AQR: variants seen among roughly 807,000 people sequenced by gnomAD.
AQR encodes aquarius intron-binding spliceosomal factor.
AQR carries 61 observed loss-of-function variants against 180.5 expected under a neutral mutation model. That is an observed-to-expected ratio of 0.34 (90% CI 0.28 to 0.42). The LOEUF (loss-of-function observed/expected upper bound fraction) is 0.42. Among genes scored for constraint, AQR ranks in the 10% least tolerant of loss-of-function variants. The probability of loss-of-function intolerance (pLI) is 1.00; values close to 1 mark genes in which losing one functional copy is unlikely to be tolerated. For synonymous variants in AQR, 551 were observed against 588.8 expected (o/e 0.94, Z 0.93); for missense variants, 1,281 against 1,798.3 (o/e 0.71, Z 5.20).
intron 15 of AQR, among the ~76,000 whole-genome samples, chr15:34,918,025 T>A (rs1016546785): frequency 6.6e-6 from 1 of 152,080 alleles, no homozygotes; most frequent in African/African-American, 2.4e-5. Context: ...TAGGGCTTTA[T>A]GGTCGTATTT....
rs747681081 is a variant in AQR at position 34,934,595 on chromosome 15, GA to G, written c.758del (p.Phe253SerfsTer5). The G allele has an allele frequency of 6.3e-7, 1 of 1,591,706 alleles. No individual in the cohort carries two copies. Among genetic ancestry groups the G allele is most frequent in the Non-Finnish European group, 8.5e-7 (1 of 1,172,566 alleles). ...CCTCTAGATCAATCATAAGTTCAAT[GA>G]ATCTTTCACAGTAATGAACTTTGTC... ...TMDKVHYCER[F>X]IELMIDLEAL... is the part of the protein sequence containing the mutation. On this transcript the variant is annotated frameshift_variant, in exon 10 of 35. Transcript: ENST00000156471. LOFTEE classifies it high-confidence loss of function.
Position 34,856,511 on chromosome 15 carries a change from C to A in AQR, c.*281G>T. The stretch of plus-strand genomic sequence containing the variant: ...AAATGTGAAGTATATATTATATATT[C>A]ATAGAAAATGATTTTAATGTAGGTA... On this transcript the variant is annotated 3_prime_UTR_variant, in exon 35 of 35. Transcript: ENST00000156471. The A allele has an allele frequency of 2.4e-6, 1 of 414,562 alleles. No homozygotes were observed. The highest frequency in any genetic ancestry group is 9.8e-5 in the South Asian group (1 of 10,204). The allele number at this position is 414,562 out of a possible 1,614,324, so 25.7% of individuals were successfully genotyped here.
Position 34,914,342 on chromosome 15 carries a change from G to T in AQR, c.1484+696C>A, listed in dbSNP as rs959683236. Among the ~76,000 whole-genome samples, 13 of 152,300 alleles carry T rather than the reference G, an allele frequency of 8.5e-5. No individual in the cohort carries two copies. The South Asian group carries it at 2.7e-3, about 32-fold the overall frequency. Reference sequence around the variant, plus strand: ...TTACAAATTCTTGTAATGCAGAGCTGCTACAATTACCAGAATGAAAGACTT... The same window carrying T: ...TTACAAATTCTTGTAATGCAGAGCTTCTACAATTACCAGAATGAAAGACTT... On this transcript the variant is annotated intron_variant, in intron 16 of 34. Transcript: ENST00000156471.
In AQR at chr15:34,900,641, G is replaced by C; in HGVS notation, c.2224C>G (p.Leu742Val). The C allele has an allele frequency of 6.2e-7, 1 of 1,614,052 alleles. No individual in the cohort carries two copies. Among genetic ancestry groups the C allele is most frequent in the Non-Finnish European group, 8.5e-7 (1 of 1,179,926 alleles). ...NVKVTVEDPA[L>V]QIPPFRITFP... ...CTTTACCTGAAAGGGGGTATTTGTA[G>C]AGCAGGGTCTTCTACAGTTACTTTA... is the stretch of plus-strand genomic sequence containing the variant. Residue 742 changes from leucine to valine, a missense_variant, in exon 20 of 35, where the codon CTA becomes GTA. Around this residue, in one of 9 missense-constraint regions of AQR, gnomAD observed 112 missense variants for 128.6 expected, o/e 0.87. Coordinates refer to ENST00000156471, the MANE Select transcript of AQR (RefSeq NM_014691.3).
At chr15:34,942,930 C>T in intron 6 of AQR, 1 of 880,256 alleles carries the variant, frequency 1.1e-6, no homozygotes, top group Non-Finnish European at 1.7e-6. Flanking sequence ...GGTAAGTTGG[C>T]TAAAACTATC....
chr15:34,958,624 AT>A (rs1338720415), intron 3 of AQR, among the ~76,000 whole-genome samples: 1 of 152,246 alleles, frequency 6.6e-6, no homozygotes, highest in Admixed American at 6.5e-5. Context: ...GTTATAAAAA[AT>A]CACCTCTGAA....
chr15:34,879,867 G>A (rs192479029), intron 27 of AQR, among the ~76,000 whole-genome samples: 2 of 152,086 alleles, frequency 1.3e-5, no homozygotes, highest in Non-Finnish European at 2.9e-5. Flanking sequence ...ACAGAAAGTG[G>A]GAATTATGTC....
At chr15:34,924,512 A>G (rs1595798817) in intron 13 of AQR, among the ~76,000 whole-genome samples, 1 of 151,784 alleles carries the variant, frequency 6.6e-6, no homozygotes, top group African/African-American at 2.4e-5. Context: ...GCTCACTGCA[A>G]CCTCCACCTC....
At chr15:34,960,205 T>C (rs1189821952) in intron 3 of AQR, among the ~76,000 whole-genome samples, 1 of 152,130 alleles carries the variant, frequency 6.6e-6, no homozygotes, top group Non-Finnish European at 1.5e-5. Context: ...AGAAGCATGA[T>C]GAAAAATAGC....
intron 3 of AQR, among the ~76,000 whole-genome samples, chr15:34,955,719 C>A (rs1894302736): frequency 6.6e-6 from 1 of 152,062 alleles, no homozygotes; most frequent in African/African-American, 2.4e-5. Flanking sequence ...ACCAGCCTGG[C>A]CAACATGGCG....
At chr15:34,899,444 T>TC (rs1893297027) in intron 20 of AQR, among the ~76,000 whole-genome samples, 1 of 151,908 alleles carries the variant, frequency 6.6e-6, no homozygotes, top group African/African-American at 2.4e-5. Context: ...AGTGGTGTGA[T>TC]CATAGCTCAC....
At chr15:34,904,545 T>G (rs1342772475) in intron 18 of AQR, 40 bp from the exon 19 acceptor site, 9 of 1,534,448 alleles carry the variant, frequency 5.9e-6, no homozygotes, top group African/African-American at 2.8e-5. Context: ...AAATATGTAT[T>G]TTTCAAATAT....
At chr15:34,890,932 T>C (rs1018522406) in intron 23 of AQR, among the ~76,000 whole-genome samples, 1 of 152,190 alleles carries the variant, frequency 6.6e-6, no homozygotes, top group Non-Finnish European at 1.5e-5. Context: ...ATTCATTATC[T>C]GAACTTCCGC....
In AQR at chr15:34,946,480, T is replaced by TG. The variant is rs1273720708; in HGVS notation, c.330+1783dup. Among the ~76,000 whole-genome samples the TG allele has an allele frequency of 3.5e-4, 23 of 64,820 alleles. 1 individual carries two copies. The highest frequency in any genetic ancestry group is 1.1e-3 in the Admixed American group (5 of 4,746). The allele number at this position is 64,820 out of a possible 152,430, so 42.5% of individuals were successfully genotyped here. ...CCAGCCGCCCCGTCCAGGAGGGAGG[T>TG]GGGGGGGTCAGCCCCCCGCCCGGCC... On this transcript the variant is annotated intron_variant, in intron 5 of 34. Coordinates refer to ENST00000156471, the MANE Select transcript of AQR (RefSeq NM_014691.3).
intron 11 of AQR, among the ~76,000 whole-genome samples, chr15:34,931,231 G>T (rs1054824932): frequency 4.6e-5 from 7 of 152,040 alleles, no homozygotes; most frequent in Non-Finnish European, 8.8e-5. Flanking sequence ...AGTTTCTCTT[G>T]CTAACGAGGC....
chr15:34,906,776 A>G (rs1242811333), intron 17 of AQR, 64 bp from the exon 18 acceptor site: 2 of 1,517,012 alleles, frequency 1.3e-6, no homozygotes, highest in Non-Finnish European at 1.8e-6. Flanking sequence ...TTTGTAGGCA[A>G]ATTCTTATTT....
intron 17 of AQR, among the ~76,000 whole-genome samples, chr15:34,908,445 A>G (rs1261260786): frequency 1.3e-5 from 2 of 152,172 alleles, no homozygotes; most frequent in Non-Finnish European, 2.9e-5. Context: ...AAAAAAAAAA[A>G]AAATGTATTA....
At chr15:34,955,530 C>A (rs1314955538) in intron 3 of AQR, among the ~76,000 whole-genome samples, 1 of 152,100 alleles carries the variant, frequency 6.6e-6, no homozygotes, top group Admixed American at 6.6e-5. Flanking sequence ...TTGACAAGGG[C>A]CTTGACATTA....
chr15:34,952,885 CT>C lies in AQR; in HGVS notation c.208del (p.Ser70AlafsTer10). On this transcript the variant is annotated frameshift_variant and splice_region_variant, in exon 4 of 35. Transcript: ENST00000156471. LOFTEE classifies it high-confidence loss of function. ...ATCAATGGAATGCCTTATAACTTACCTAAATTCCAAGAGCATTATCTTTCTA... is the reference window on the plus strand; with the variant it reads ...ATCAATGGAATGCCTTATAACTTACCAAATTCCAAGAGCATTATCTTTCTA... ...AIRKIMLLEF[S>X]QYLENYLWMN... 6.8e-7 allele frequency: 1 copy of C among 1,467,452 alleles called. No homozygotes were observed. The highest frequency in any genetic ancestry group is 9.4e-7 in the Non-Finnish European group (1 of 1,067,834). 90.9% of individuals were successfully genotyped at this position (1,467,452 alleles called of 1,614,324 possible). A position where few individuals can be genotyped will look rare whatever the true frequency, so the allele number is the denominator to read the frequency against.
Sources: allele counts gnomAD v4.1 joint callset (sites outside exome capture counted in the v4.1 genomes callset), GRCh38; gene constraint gnomAD v4.1.1; regional missense constraint gnomAD v4.1.1; transcripts MANE v1.5; gene names NCBI Gene and HGNC (gene_info 2026-07-23, HGNC 2026-07-21).